The following PYHIN1 variants were observed in gnomAD, a reference collection of about 807,000 sequenced individuals.
PYHIN1 encodes pyrin and HIN domain-containing protein 1.
PYHIN1 carries 32 observed loss-of-function variants against 43.7 expected under a neutral mutation model. The ratio of observed to expected loss-of-function variants is 0.73; its 90% confidence interval spans 0.55 to 0.98. The LOEUF (loss-of-function observed/expected upper bound fraction) is 0.98. Among genes scored for constraint, PYHIN1 ranks in the 50% least tolerant of loss-of-function variants. The pLI is 0.00. For synonymous variants in PYHIN1, 205 were observed against 203.1 expected (o/e 1.01, Z -0.08); for missense variants, 588 against 589.5 (o/e 1.00, Z 0.03).
At position 158,942,204 on chromosome 1, in the gene PYHIN1, C is replaced by T; in HGVS notation, c.807C>T (p.Ile269=). 6.2e-7 allele frequency: 1 copy of T among 1,613,918 alleles called. No homozygotes were observed. Among genetic ancestry groups the T allele is most frequent in the Non-Finnish European group, 8.5e-7 (1 of 1,179,870 alleles). Residue 269 remains isoleucine, a synonymous_variant, in exon 5 of 9, where the codon ATC becomes ATT. Transcript: ENST00000368140. ...GGAAATTCATTAAAAAGAGAATCAT[C>T]ATTATATCAAATTATTCCAAACGTA... ...LKRKFIKKRI[I]IISNYSKRNS...
At position 158,937,040 on chromosome 1, in the gene PYHIN1, G is replaced by C. The variant is rs574980028; in HGVS notation, c.130G>C (p.Asp44His). Residue 44 changes from aspartate to histidine, a missense_variant, in exon 2 of 9, where the codon GAC (aspartate) becomes CAC (histidine). Asp to His is a moderately conservative substitution (Grantham distance 81). Transcript: ENST00000368140. Reference protein sequence around the residue: ...KLNPKMKEEYDKIQIADLMEE... With the variant: ...KLNPKMKEEYHKIQIADLMEE... ...TAATCCAAAAATGAAAGAAGAGTAT[G>C]ACAAAATTCAGATTGCTGACTTGAT... The C allele has an allele frequency of 6.2e-7, 1 of 1,614,134 alleles. No homozygotes were observed. The highest frequency in any genetic ancestry group is 1.1e-5 in the South Asian group (1 of 91,076).
At chr1:158,945,739 AT>A (rs1359384800) in intron 7 of PYHIN1, among the ~76,000 whole-genome samples, 1 of 152,202 alleles carries the variant, frequency 6.6e-6, no homozygotes, top group African/African-American at 2.4e-5. Flanking sequence ...CACATGATAT[AT>A]TTGTAGAAAA....
At chr1:158,957,278 A>G (rs951217223) in intron 7 of PYHIN1, among the ~76,000 whole-genome samples, 5 of 151,390 alleles carry the variant, frequency 3.3e-5, no homozygotes, top group African/African-American at 1.2e-4. Flanking sequence ...TGGAACCAAA[A>G]AAGAGCCCGC....
At chr1:158,945,081 T>A in intron 7 of PYHIN1, 39 bp downstream of exon 7, 1 of 1,562,768 alleles carries the variant, frequency 6.4e-7, no homozygotes, top group Non-Finnish European at 8.7e-7. Context: ...ATCTCCCAAA[T>A]ATAAATTACA....
chr1:158,987,223 T>C, the PYHIN1 span, among the ~76,000 whole-genome samples: 1 of 152,204 alleles, frequency 6.6e-6, no homozygotes, highest in Admixed American at 6.5e-5. Flanking sequence ...TCATCAACAC[T>C]TGTTATTACA....
the PYHIN1 span, among the ~76,000 whole-genome samples, chr1:158,990,410 T>C: frequency 2.6e-4 from 40 of 152,242 alleles, no homozygotes; most frequent in African/African-American, 8.9e-4. Context: ...GACAACATTA[T>C]ATGTTTTTAT....
intron 1 of PYHIN1, among the ~76,000 whole-genome samples, chr1:158,936,306 C>A (rs182348832): frequency 1.4e-3 from 209 of 146,414 alleles, no homozygotes; most frequent in Non-Finnish European, 2.5e-3. Flanking sequence ...TAAGAACATG[C>A]GGTGTTTGGT....
chr1:158,984,304 A>T, the PYHIN1 span, among the ~76,000 whole-genome samples: 1 of 151,980 alleles, frequency 6.6e-6, no homozygotes, highest in Admixed American at 6.6e-5. Flanking sequence ...CTTTTCTCTT[A>T]ACACTGCTTT....
At chr1:158,932,609 T>C (rs1415792276) in intron 1 of PYHIN1, among the ~76,000 whole-genome samples, 1 of 152,202 alleles carries the variant, frequency 6.6e-6, no homozygotes, top group Non-Finnish European at 1.5e-5. Context: ...TGAGAACATT[T>C]TGTAAATAAT....
downstream of PYHIN1, among the ~76,000 whole-genome samples, chr1:158,981,885 C>G (rs1236259473): frequency 2.0e-5 from 3 of 152,168 alleles, no homozygotes; most frequent in African/African-American, 7.2e-5. Context: ...TTGCATTTCT[C>G]TAATGATTAG....
At chr1:158,934,779 G>A (rs944155219) in intron 1 of PYHIN1, among the ~76,000 whole-genome samples, 2 of 152,178 alleles carry the variant, frequency 1.3e-5, no homozygotes, top group African/African-American at 4.8e-5. Context: ...CTGGAGTGCA[G>A]TGGCATGATA....
chr1:158,954,638 T>C (rs981006521), intron 7 of PYHIN1, among the ~76,000 whole-genome samples: 1 of 148,260 alleles, frequency 6.7e-6, no homozygotes, highest in African/African-American at 2.5e-5. Flanking sequence ...TACCAGCCGC[T>C]GCAAAATCAT....
Position 158,933,390 on chromosome 1 carries a change from C to T in PYHIN1, c.-21+1614C>T, listed in dbSNP as rs1648284647. Among the ~76,000 whole-genome samples, 1 of 151,344 alleles carries T rather than the reference C, an allele frequency of 6.6e-6. No homozygotes were observed. The highest frequency in any genetic ancestry group is 6.6e-5 in the Admixed American group (1 of 15,190). ...TATAATTTAAATTATTGTATCTTCC[C>T]AGGAATTCAACCTTTTACCATGTGG... On this transcript the variant is annotated intron_variant, in intron 1 of 8. Transcript: ENST00000368140. The surrounding 1 kb of genome is among the most constrained non-coding windows in gnomAD (Gnocchi z 6.3).
the PYHIN1 span, among the ~76,000 whole-genome samples, chr1:158,989,496 T>A: frequency 6.6e-6 from 1 of 152,190 alleles, no homozygotes. Flanking sequence ...CTAATTATTG[T>A]CTAATTCAAT....
downstream of PYHIN1, among the ~76,000 whole-genome samples, chr1:158,980,790 G>A (rs775190847): frequency 7.9e-5 from 12 of 152,152 alleles, no homozygotes; most frequent in Non-Finnish European, 1.3e-4. Flanking sequence ...CGTTCCCTCA[G>A]AAGTATGTGA....
chr1:158,955,290 A>G (rs1255725932), intron 7 of PYHIN1, among the ~76,000 whole-genome samples: 54 of 152,088 alleles, frequency 3.6e-4, no homozygotes, highest in African/African-American at 1.2e-3. Context: ...CCAAATCAAC[A>G]GAATATACAT....
chr1:158,967,757 T>G (rs112955780), intron 7 of PYHIN1, among the ~76,000 whole-genome samples: 1 of 151,850 alleles, frequency 6.6e-6, no homozygotes, highest in Admixed American at 6.6e-5. Flanking sequence ...CATAGACCAA[T>G]GAAACAGAAT....
rs554245711 is a variant in PYHIN1 at position 158,963,075 on chromosome 1, A to G, written c.1360-10572A>G. On this transcript the variant is annotated intron_variant, in intron 7 of 8. Transcript: ENST00000368140. ...GCTGAGCCCCTAGTTGTGGCCAGCA[A>G]TGTAACTTCCCATTCTCTAGCTGAA... Among the ~76,000 whole-genome samples the G allele has an allele frequency of 8.7e-4, 133 of 152,224 alleles. 1 individual carries two copies. The highest frequency in any genetic ancestry group is 3.0e-3 in the African/African-American group (123 of 41,560).
At chr1:158,945,864 T>C (rs551909006) in intron 7 of PYHIN1, among the ~76,000 whole-genome samples, 4 of 152,160 alleles carry the variant, frequency 2.6e-5, no homozygotes, top group African/African-American at 4.8e-5. Context: ...TCTCATTCCT[T>C]CTTCATAACC....
Sources: gnomAD v4.1 joint callset for allele counts (sites outside exome capture counted in the v4.1 genomes callset) on GRCh38, gnomAD v4.1.1 for gene constraint, Gnocchi (gnomAD v3.1) non-coding constraint, MANE v1.5 for transcripts, NCBI Gene and HGNC (gene_info 2026-07-23, HGNC 2026-07-21) for gene names.